BTBD9: variants seen among roughly 807,000 people sequenced by gnomAD.
The protein encoded by BTBD9 is BTB/POZ domain-containing protein 9.
Under a neutral mutation model 64.3 loss-of-function variants are expected in BTBD9, and 49 were observed. That is an observed-to-expected ratio of 0.76 (90% CI 0.61 to 0.97). The LOEUF (loss-of-function observed/expected upper bound fraction) is 0.97. BTBD9 is among the 50% of genes least tolerant of loss of function. BTBD9 has a pLI of 0.00. For missense variants in BTBD9, 598 were observed against 762.1 expected, an observed-to-expected ratio of 0.78 and a Z score of 2.53; for synonymous variants, 260 against 274.7, an observed-to-expected ratio of 0.95 and a Z score of 0.53.
At chr6:38,487,357 G>C (rs944404100) in intron 6 of BTBD9, among the ~76,000 whole-genome samples, 1 of 152,156 alleles carries the variant, frequency 6.6e-6, no homozygotes, top group African/African-American at 2.4e-5. Context: ...GAGGAGGGCA[G>C]ATCACTTGAA....
chr6:38,319,765 G>C (rs1319303905), intron 7 of BTBD9, among the ~76,000 whole-genome samples: 1 of 151,944 alleles, frequency 6.6e-6, no homozygotes, highest in African/African-American at 2.4e-5. Flanking sequence ...TTGGGAGAAG[G>C]ATGGTGCAAG....
chr6:38,284,043 A>G (rs932484823), intron 8 of BTBD9, among the ~76,000 whole-genome samples: 7 of 152,242 alleles, frequency 4.6e-5, no homozygotes, highest in Non-Finnish European at 1.0e-4. Flanking sequence ...TTGGTGGCTA[A>G]GCAATCTCTC....
chr6:38,510,702 T>C (rs1015495674), intron 6 of BTBD9, among the ~76,000 whole-genome samples: 4 of 152,218 alleles, frequency 2.6e-5, no homozygotes, highest in Non-Finnish European at 4.4e-5. Context: ...ATTTACATTT[T>C]TTAACTTTTG....
intron 6 of BTBD9, among the ~76,000 whole-genome samples, chr6:38,526,619 A>G (rs1370669413): frequency 6.6e-6 from 1 of 152,232 alleles, no homozygotes; most frequent in Non-Finnish European, 1.5e-5. Context: ...GAGCTGTCCA[A>G]GACTGTGGGA....
chr6:38,404,038 A>G (rs1767060080), intron 6 of BTBD9, among the ~76,000 whole-genome samples: 2 of 152,216 alleles, frequency 1.3e-5, no homozygotes, highest in Admixed American at 1.3e-4. Flanking sequence ...ACAAATCCAT[A>G]AAGACATAAA....
chr6:38,183,250 T>C (rs1437152458), intron 10 of BTBD9, among the ~76,000 whole-genome samples: 1 of 152,240 alleles, frequency 6.6e-6, no homozygotes, highest in Non-Finnish European at 1.5e-5. Context: ...GTGCTGGGAT[T>C]ACAGGTGTGA....
intron 6 of BTBD9, among the ~76,000 whole-genome samples, chr6:38,528,018 AG>A (rs1773587688): frequency 6.6e-6 from 1 of 152,194 alleles, no homozygotes; most frequent in Non-Finnish European, 1.5e-5. Flanking sequence ...TGAAGAGGGT[AG>A]GAAAGACAGT....
chr6:38,636,875 A>G (rs1778544977), intron 1 of BTBD9, among the ~76,000 whole-genome samples: 1 of 152,218 alleles, frequency 6.6e-6, no homozygotes, highest in Non-Finnish European at 1.5e-5. Flanking sequence ...ATGCCATTAT[A>G]GCAGGAATGG....
At chr6:38,478,179 T>C (rs1770978197) in intron 6 of BTBD9, among the ~76,000 whole-genome samples, 2 of 152,112 alleles carry the variant, frequency 1.3e-5, no homozygotes, top group Non-Finnish European at 1.5e-5. Context: ...AGTTTAAAAA[T>C]TTTACCACCA....
intron 9 of BTBD9, among the ~76,000 whole-genome samples, chr6:38,198,038 A>G (rs1252519260): frequency 6.6e-6 from 1 of 152,250 alleles, no homozygotes; most frequent in East Asian, 1.9e-4. Flanking sequence ...AATAAAAAAG[A>G]CTTGAAGTAT....
intron 10 of BTBD9, among the ~76,000 whole-genome samples, chr6:38,181,631 A>G (rs1251468726): frequency 6.6e-6 from 1 of 152,206 alleles, no homozygotes; most frequent in Non-Finnish European, 1.5e-5. Flanking sequence ...AGTGCCTCCA[A>G]CAAAATATCC....
intron 7 of BTBD9, among the ~76,000 whole-genome samples, chr6:38,331,513 A>T (rs1175120517): frequency 6.6e-6 from 1 of 152,260 alleles, no homozygotes; most frequent in African/African-American, 2.4e-5. Flanking sequence ...AGAAATATTT[A>T]AAAATACTCA....
chr6:38,548,473 A>G (rs989122206), intron 6 of BTBD9, among the ~76,000 whole-genome samples: 1 of 152,160 alleles, frequency 6.6e-6, no homozygotes, highest in Non-Finnish European at 1.5e-5. Context: ...TTTTGCCAAC[A>G]CATTTTTTCA....
chr6:38,539,349 T>G (rs575469801), intron 6 of BTBD9, among the ~76,000 whole-genome samples: 1 of 152,368 alleles, frequency 6.6e-6, no homozygotes, highest in East Asian at 1.9e-4. Flanking sequence ...TTATTAAGTA[T>G]ATTTATTCCT....
rs1562352558 is a variant in BTBD9 at position 38,568,643 on chromosome 6, G to C, written c.1154+8957C>G. ...TACACCAAAACAGACTCCTAAAGGA[G>C]ATTTCACAAAGGAAAACTGATAGAC... is the stretch of plus-strand genomic sequence containing the variant. On this transcript the variant is annotated intron_variant, in intron 6 of 10. Coordinates refer to ENST00000481247, the MANE Select transcript of BTBD9 (RefSeq NM_001099272.2). 2.0e-5 allele frequency among the ~76,000 whole-genome samples: 3 copies of C among 152,212 alleles called. No homozygotes were observed. In the South Asian group the frequency reaches 6.2e-4, roughly 32 times the overall value.
rs920892299 is a variant in BTBD9 at position 38,368,208 on chromosome 6, C to T, written c.1155-23115G>A. ...GATATACTGTATATCTGCTTATGTACCACATGTATATCTGCACTTTATACA... is the reference window on the plus strand; with the variant it reads ...GATATACTGTATATCTGCTTATGTATCACATGTATATCTGCACTTTATACA... On this transcript the variant is annotated intron_variant, in intron 6 of 10. Coordinates refer to ENST00000481247, the MANE Select transcript of BTBD9 (RefSeq NM_001099272.2). Among the ~76,000 whole-genome samples, 4 of 152,156 alleles carry T rather than the reference C, an allele frequency of 2.6e-5. No homozygotes were observed. The East Asian group carries it at 5.8e-4, about 22-fold the overall frequency.
intron 5 of BTBD9, 92 bp downstream of exon 5, chr6:38,580,126 A>C: frequency 1.7e-6 from 2 of 1,200,682 alleles, no homozygotes; most frequent in Non-Finnish European, 2.4e-6. Flanking sequence ...ACAAAGAAAT[A>C]AACCATCATA....
intron 6 of BTBD9, among the ~76,000 whole-genome samples, chr6:38,360,109 C>T (rs1764891357): frequency 6.6e-6 from 1 of 152,010 alleles, no homozygotes; most frequent in Non-Finnish European, 1.5e-5. Context: ...AAGAAGTCCC[C>T]CAATCCAGAT....
At chr6:38,358,120 C>T (rs752955040) in intron 6 of BTBD9, among the ~76,000 whole-genome samples, 2 of 152,086 alleles carry the variant, frequency 1.3e-5, no homozygotes, top group Non-Finnish European at 2.9e-5. Context: ...AACAGCTGCA[C>T]AGACAGCACT....
Sources: allele counts gnomAD v4.1 joint callset (sites outside exome capture counted in the v4.1 genomes callset), GRCh38; gene constraint gnomAD v4.1.1; transcripts MANE v1.5; gene names NCBI Gene and HGNC (gene_info 2026-07-23, HGNC 2026-07-21).